KLK4: variants seen among roughly 807,000 people sequenced by gnomAD.
KLK4 encodes the protein kallikrein related peptidase 4.
Under a neutral mutation model 24.3 loss-of-function variants are expected in KLK4, and 24 were observed. The ratio of observed to expected loss-of-function variants is 0.99; its 90% CI spans 0.72 to 1.39. The LOEUF is 1.39. Among genes scored for constraint, KLK4 ranks in the 40% most tolerant of loss-of-function variants. The probability of loss-of-function intolerance (pLI) is 0.00; values close to 1 mark genes in which losing one functional copy is unlikely to be tolerated. For synonymous variants in KLK4, 142 were observed against 138.8 expected (o/e 1.02, Z -0.16); for missense variants, 344 against 327.4 (o/e 1.05, Z -0.39).
intron 5 of KLK4, among the ~76,000 whole-genome samples, chr19:50,907,680 A>G (rs566518181): frequency 6.6e-6 from 1 of 152,314 alleles, no homozygotes; most frequent in Non-Finnish European, 1.5e-5. Context: ...TGCTGGGATT[A>G]CAGGCATGAG....
rs548780614 is a variant in KLK4, at chr19:50,910,843, A to G, written c.-11-94T>C. On this transcript the variant is annotated intron_variant, in intron 1 of 5. Coordinates refer to ENST00000324041, the Ensembl canonical transcript of KLK4. This position sits in a 1 kb window ranked among gnomAD's most constrained non-coding sequence, Gnocchi z 4.4. Reference sequence around the variant, plus strand: ...TGTCCCTCCCTTTCTTCCCTCTGGGACGTTATTAGGTAGGCAAGAGCCTAG... The same window carrying G: ...TGTCCCTCCCTTTCTTCCCTCTGGGGCGTTATTAGGTAGGCAAGAGCCTAG... 319 of 1,125,068 alleles carry G rather than the reference A, an allele frequency of 2.8e-4. 1 individual carries two copies. Among genetic ancestry groups the G allele is most frequent in the Non-Finnish European group, 3.8e-4 (293 of 761,732 alleles). The allele number at this position is 1,125,068 out of a possible 1,614,324, so 69.7% of individuals were successfully genotyped here. A position where few individuals can be genotyped will look rare whatever the true frequency, so the allele number is the denominator to read the frequency against.
intron 2 of KLK4, 141 bp from the exon 3 acceptor site, chr19:50,909,555 T>A: frequency 4.8e-6 from 4 of 825,726 alleles, no homozygotes; most frequent in Non-Finnish European, 7.6e-6. Context: ...GGGAACGGGC[T>A]CAGGAGGCGG....
chr19:50,908,487 G>C, exon 5 of KLK4: 2 of 1,614,184 alleles, frequency 1.2e-6, no homozygotes, highest in Non-Finnish European at 1.7e-6. Context: ...AGCACGGTAG[G>C]CATTCTGCCT....
rs1281743238 is a variant in KLK4 at position 50,907,103 on chromosome 19, G to A, written c.613-17C>T. 21 of 1,613,770 alleles carry A rather than the reference G, an allele frequency of 1.3e-5. No homozygotes were observed. The highest frequency in any genetic ancestry group is 1.7e-5 in the Non-Finnish European group (20 of 1,179,940). On this transcript the variant is annotated splice_polypyrimidine_tract_variant and intron_variant, in intron 5 of 5. Transcript: ENST00000324041. ...AGAGTCACCCTGTTGTGAAGAGAGG[G>A]AGAGTCAGAATTCAAAACACAGAGA...
At position 50,911,266 on chromosome 19, in the gene KLK4, C is replaced by T. The variant is rs116888134; in HGVS notation, c.-12+73G>A. On this transcript the variant is annotated intron_variant, in intron 1 of 5. Transcript: ENST00000324041. ...GAAGGCACAGAGGCTGAGAATCCAGCGACATGGAGCTGTAGGGAGAGTTGG... is the reference window on the plus strand; with the variant it reads ...GAAGGCACAGAGGCTGAGAATCCAGTGACATGGAGCTGTAGGGAGAGTTGG... Among the ~76,000 whole-genome samples the T allele has an allele frequency of 7.9e-3, 1,202 of 152,310 alleles. 7 individuals are homozygous for T. The highest frequency in any genetic ancestry group is 0.036 in the East Asian group (188 of 5,188).
intron 5 of KLK4, chr19:50,908,011 G>A (rs577082103): frequency 2.7e-5 from 11 of 401,834 alleles, no homozygotes; most frequent in South Asian, 2.1e-4. Flanking sequence ...AAGGCTCCCC[G>A]TCAACAGTAG....
intron 5 of KLK4, 42 bp downstream of exon 5, chr19:50,908,316 AC>A (rs1568513944): frequency 6.2e-7 from 1 of 1,605,242 alleles, no homozygotes; most frequent in Non-Finnish European, 8.5e-7. Flanking sequence ...CCCCTTCTCC[AC>A]CCTTCCCTGA....
At chr19:50,909,021 A>C (rs1600047438) in intron 3 of KLK4, 192 bp from the exon 4 acceptor site, 1 of 1,486,250 alleles carries the variant, frequency 6.7e-7, no homozygotes, top group East Asian at 2.5e-5. Context: ...GCCTTAGTTC[A>C]CTAGAGACTC....
In KLK4 at chr19:50,910,664, G is replaced by A. The variant is rs148383896; in HGVS notation, c.61+14C>T. 1.1e-4 allele frequency: 173 copies of A among 1,552,222 alleles called. No homozygotes were observed. In the African/African-American group the frequency reaches 1.6e-3, roughly 15 times the overall value. On this transcript the variant is annotated intron_variant, in intron 2 of 5. Coordinates refer to ENST00000324041, the Ensembl canonical transcript of KLK4. The surrounding 1 kb of genome is among the most constrained non-coding windows in gnomAD (Gnocchi z 4.4). ...CCCAAGCACGGACAGACACACACAC[G>A]CATACTCAGATACCTGCGACACCAA...
At chr19:50,908,654 T>A (rs2123513577) in exon 4 of KLK4, 1 of 1,614,138 alleles carries the variant, frequency 6.2e-7, no homozygotes, top group South Asian at 1.1e-5. Flanking sequence ...ATGCTGATGC[T>A]CCGGATGGTG....
At chr19:50,911,382 C>T (rs1166032869) in exon 1 of KLK4, among the ~76,000 whole-genome samples, 1 of 152,226 alleles carries the variant, frequency 6.6e-6, no homozygotes, top group East Asian at 1.9e-4. Flanking sequence ...GGGCTGAGCT[C>T]CAGCCTGCTG....
Position 50,909,242 on chromosome 19 carries a change from C to T in KLK4, c.224+10G>A. The T allele has an allele frequency of 1.9e-6, 3 of 1,614,136 alleles. No individual in the cohort carries two copies. Among genetic ancestry groups the T allele is most frequent in the Non-Finnish European group, 2.5e-6 (3 of 1,180,002 alleles). ...CAGGCCCTGCCCACTCCCCCTACCT[C>T]TGCACTCACTTCTGGAAACAGTGTG... is the stretch of plus-strand genomic sequence containing the variant. On this transcript the variant is annotated intron_variant, in intron 3 of 5. Coordinates refer to ENST00000324041, the Ensembl canonical transcript of KLK4.
chr19:50,909,829 G>A (rs987236181), intron 2 of KLK4, among the ~76,000 whole-genome samples: 4 of 152,034 alleles, frequency 2.6e-5, no homozygotes, highest in Non-Finnish European at 4.4e-5. Flanking sequence ...CCTGGGAGGA[G>A]AGTCAGGGCA....
chr19:50,909,377 G>T (rs1600047906), exon 3 of KLK4: 1 of 1,614,156 alleles, frequency 6.2e-7, no homozygotes, highest in Non-Finnish European at 8.5e-7. Flanking sequence ...AGTCCTCGCC[G>T]TTTATGATTT....
At chr19:50,908,293 G>GTGTCTC (rs1568513913) in intron 5 of KLK4, 66 bp downstream of exon 5, 1 of 1,590,454 alleles carries the variant, frequency 6.3e-7, no homozygotes. Flanking sequence ...GCGGCCCTGT[G>GTGTCTC]TGTCTCTGTC....
chr19:50,906,542 G>A (rs1330231868), exon 6 of KLK4: 6 of 304,834 alleles, frequency 2.0e-5, no homozygotes, highest in Non-Finnish European at 3.7e-5. Context: ...GGAGGGGTTG[G>A]GGGCCTGGAC....
At position 50,909,248 on chromosome 19, in the gene KLK4, T is replaced by C. The variant is rs1363986693; in HGVS notation, c.224+4A>G. ...CTGCCCACTCCCCCTACCTCTGCAC[T>C]CACTTCTGGAAACAGTGTGCGGCTG... is the stretch of plus-strand genomic sequence containing the variant. On this transcript the variant is annotated splice_donor_region_variant and intron_variant, in intron 3 of 5. Coordinates refer to ENST00000324041, the Ensembl canonical transcript of KLK4. 16 of 1,613,804 alleles carry C rather than the reference T, an allele frequency of 9.9e-6. No homozygotes were observed. The highest frequency in any genetic ancestry group is 1.2e-5 in the Non-Finnish European group (14 of 1,179,926).
At chr19:50,908,816 C>G (rs145560168) in exon 4 of KLK4, 73 of 1,612,798 alleles carry the variant, frequency 4.5e-5, no homozygotes, top group Non-Finnish European at 5.6e-5. Flanking sequence ...AGGCCCAGCC[C>G]GATGGTGTAG....
rs889525504 is a variant in KLK4 at position 50,907,087 on chromosome 19, C to T, written c.613-1G>A. 34 of 1,614,060 alleles carry T rather than the reference C, an allele frequency of 2.1e-5. No individual in the cohort carries two copies. The highest frequency in any genetic ancestry group is 2.7e-5 in the Non-Finnish European group (32 of 1,180,004). On this transcript the variant is annotated splice_acceptor_variant, in intron 5 of 5. Transcript: ENST00000324041. LOFTEE classifies it high-confidence loss of function. ...AGATCAGGGGCCCCCCAGAGTCACC[C>T]TGTTGTGAAGAGAGGGAGAGTCAGA...
Sources: allele counts gnomAD v4.1 joint callset (sites outside exome capture counted in the v4.1 genomes callset), GRCh38; gene constraint gnomAD v4.1.1; non-coding constraint Gnocchi (gnomAD v3.1); transcripts MANE v1.5; gene names NCBI Gene and HGNC (gene_info 2026-07-23, HGNC 2026-07-21).